SPRYD4: variants seen among roughly 807,000 people sequenced by gnomAD.
SPRYD4 encodes SPRY domain containing 4, also known as SPRY domain-containing protein 4.
A neutral mutation model predicts 16.6 loss-of-function variants in SPRYD4; 12 were observed. The observed-to-expected ratio is 0.72, with a 90% CI of 0.46 to 1.17. SPRYD4 has a LOEUF of 1.17. Among genes scored for constraint, SPRYD4 ranks in the 50% most tolerant of loss-of-function variants. The pLI is 0.00. For synonymous variants in SPRYD4, 98 were observed against 105.4 expected (o/e 0.93, Z 0.43); for missense variants, 260 against 260.2 (o/e 1.00, Z 0.00).
At position 56,474,747 on chromosome 12, in the gene SPRYD4, T is replaced by C. The variant is rs1869642938; in HGVS notation, c.*5170T>C. 1 of 1,609,766 alleles carries C rather than the reference T, an allele frequency of 6.2e-7. No individual in the cohort carries two copies. Among genetic ancestry groups the C allele is most frequent in the Non-Finnish European group, 8.5e-7 (1 of 1,177,226 alleles). ...TATGAAAACAAAGAATAGGTGAAGA[T>C]GTGACGTGAACCTGCACATGGGACC... On this transcript the variant is annotated 3_prime_UTR_variant, in exon 2 of 2. Coordinates refer to ENST00000338146, the MANE Select transcript of SPRYD4 (RefSeq NM_207344.4).
At position 56,475,703 on chromosome 12, in the gene SPRYD4, T is replaced by C. The variant is rs779144172; in HGVS notation, c.*6126T>C. 40 of 1,613,906 alleles carry C rather than the reference T, an allele frequency of 2.5e-5. No individual in the cohort carries two copies. The African/African-American group carries it at 2.9e-4, about 12-fold the overall frequency. ...AACACCTGGAAGAGAAAAAGGGACATTGAGGCTCCACTTGGTTAAGAAGCT... is the reference window on the plus strand; with the variant it reads ...AACACCTGGAAGAGAAAAAGGGACACTGAGGCTCCACTTGGTTAAGAAGCT... On this transcript the variant is annotated 3_prime_UTR_variant, in exon 2 of 2. Transcript: ENST00000338146.
In SPRYD4 at chr12:56,471,341, C is replaced by T; in HGVS notation, c.*1764C>T. ...TGAGGGAATGGGGTATTTTGACTCC[C>T]ATAGAAAGCACTAGCCTAAGTCACC... On this transcript the variant is annotated 3_prime_UTR_variant, in exon 2 of 2. Coordinates refer to ENST00000338146, the MANE Select transcript of SPRYD4 (RefSeq NM_207344.4). 1 of 832,960 alleles carries T rather than the reference C, an allele frequency of 1.2e-6. No individual in the cohort carries two copies. 51.6% of individuals were successfully genotyped at this position (832,960 alleles called of 1,614,324 possible). A position where few individuals can be genotyped will look rare whatever the true frequency, so the allele number is the denominator to read the frequency against.
chr12:56,472,550 T>A lies in SPRYD4; in HGVS notation c.*2973T>A, dbSNP rs2638314. The A allele has an allele frequency of 0.17, 130,433 of 755,052 alleles. 12,204 individuals are homozygous for A. Among genetic ancestry groups the A allele is most frequent in the Admixed American group, 0.21 (7,394 of 34,476 alleles). The allele number at this position is 755,052 out of a possible 1,614,324, so 46.8% of individuals were successfully genotyped here. ...TTTTTTTAAAAAAAATCTCCTTTTT[T>A]AAAAAAATTTCATTTAAATGCAATC... On this transcript the variant is annotated 3_prime_UTR_variant, in exon 2 of 2. Transcript: ENST00000338146.
Position 56,473,165 on chromosome 12 carries a change from A to G in SPRYD4, c.*3588A>G, listed in dbSNP as rs1869465482. On this transcript the variant is annotated 3_prime_UTR_variant, in exon 2 of 2. Transcript: ENST00000338146. ...TGGCCTCTCAAAGTGCAGGGATTAC[A>G]GGCGTGAGCCACCGCACCTGGCCTT... 5 of 1,468,156 alleles carry G rather than the reference A, an allele frequency of 3.4e-6. No homozygotes were observed. The African/African-American group carries it at 5.6e-5, about 16-fold the overall frequency. 90.9% of individuals were successfully genotyped at this position (1,468,156 alleles called of 1,614,324 possible).
rs752875915 is a variant in SPRYD4 at position 56,471,663 on chromosome 12, G to A, written c.*2086G>A. On this transcript the variant is annotated 3_prime_UTR_variant, in exon 2 of 2. Transcript: ENST00000338146. ...CCCCACCTGAGAGGAATAATGATAT[G>A]ATCAGGCAAAGGAGACGTGGAGAGT... The A allele has an allele frequency of 6.2e-7, 1 of 1,613,682 alleles. No individual in the cohort carries two copies. Among genetic ancestry groups the A allele is most frequent in the Non-Finnish European group, 8.5e-7 (1 of 1,179,674 alleles).
chr12:56,479,303 G>T lies in SPRYD4; in HGVS notation c.*9726G>T. On this transcript the variant is annotated 3_prime_UTR_variant, in exon 2 of 2. Transcript: ENST00000338146. ...CTTCAGGTTTGGGATCAACAGCTCT[G>T]TTACCTTTGGCAAATCAGTTTACCT... The T allele has an allele frequency of 8.0e-7, 1 of 1,253,014 alleles. No individual in the cohort carries two copies. Among genetic ancestry groups the T allele is most frequent in the Non-Finnish European group, 1.1e-6 (1 of 931,122 alleles). The allele number at this position is 1,253,014 out of a possible 1,614,324, so 77.6% of individuals were successfully genotyped here. A position where few individuals can be genotyped will look rare whatever the true frequency, so the allele number is the denominator to read the frequency against.
rs551567229 is a variant in SPRYD4, at chr12:56,472,449, A to G, written c.*2872A>G. On this transcript the variant is annotated 3_prime_UTR_variant, in exon 2 of 2. Coordinates refer to ENST00000338146, the MANE Select transcript of SPRYD4 (RefSeq NM_207344.4). The stretch of plus-strand genomic sequence containing the variant: ...GGTAAGTGCCCATTTGAGGCAGGGT[A>G]CCTACTTCCTAGGACACTGCTCTTA... 2.0e-4 allele frequency: 123 copies of G among 603,480 alleles called. No individual in the cohort carries two copies. Among genetic ancestry groups the G allele is most frequent in the African/African-American group, 1.6e-3 (85 of 54,014 alleles). 37.4% of individuals were successfully genotyped at this position (603,480 alleles called of 1,614,324 possible).
chr12:56,472,102 CCTT>C lies in SPRYD4; in HGVS notation c.*2526_*2528del. ...CTTATGATTACCCTCCTCCTCCCCT[CCTT>C]AACCCTTCAGTACCTTCAGCTGCAG... On this transcript the variant is annotated 3_prime_UTR_variant, in exon 2 of 2. Transcript: ENST00000338146. The C allele has an allele frequency of 4.3e-6, 7 of 1,613,566 alleles. No individual in the cohort carries two copies. The highest frequency in any genetic ancestry group is 4.2e-6 in the Non-Finnish European group (5 of 1,179,520).
rs778659815 is a variant in SPRYD4, at chr12:56,475,127, A to G, written c.*5550A>G. The stretch of plus-strand genomic sequence containing the variant: ...GACTGGAATCTGAAGCAAACACCCA[A>G]TTTAGTACTTGAAGTTGGAGGAGTG... On this transcript the variant is annotated 3_prime_UTR_variant, in exon 2 of 2. Transcript: ENST00000338146. The G allele has an allele frequency of 1.1e-5, 17 of 1,613,714 alleles. No individual in the cohort carries two copies. In the East Asian group the frequency reaches 2.9e-4, roughly 27 times the overall value.
rs913256026 is a variant in SPRYD4, at chr12:56,472,993, G to A, written c.*3416G>A. 14 of 576,818 alleles carry A rather than the reference G, an allele frequency of 2.4e-5. No homozygotes were observed. Among genetic ancestry groups the A allele is most frequent in the East Asian group, 6.2e-5 (2 of 32,430 alleles). The allele number at this position is 576,818 out of a possible 1,614,324, so 35.7% of individuals were successfully genotyped here. Reference sequence around the variant, plus strand: ...CAACCTCTGCCTCCCGGTTTCAAGCGATTCTCCTGCCTCAGCCTCCCAAGT... The same window carrying A: ...CAACCTCTGCCTCCCGGTTTCAAGCAATTCTCCTGCCTCAGCCTCCCAAGT... On this transcript the variant is annotated 3_prime_UTR_variant, in exon 2 of 2. Coordinates refer to ENST00000338146, the MANE Select transcript of SPRYD4 (RefSeq NM_207344.4).
At position 56,479,299 on chromosome 12, in the gene SPRYD4, C is replaced by T. The variant is rs1870095911; in HGVS notation, c.*9722C>T. 6.2e-6 allele frequency: 8 copies of T among 1,293,622 alleles called. No homozygotes were observed. The South Asian group carries it at 1.2e-4, about 20-fold the overall frequency. 80.1% of individuals were successfully genotyped at this position (1,293,622 alleles called of 1,614,324 possible). On this transcript the variant is annotated 3_prime_UTR_variant, in exon 2 of 2. Coordinates refer to ENST00000338146, the MANE Select transcript of SPRYD4 (RefSeq NM_207344.4). ...TGGTCTTCAGGTTTGGGATCAACAG[C>T]TCTGTTACCTTTGGCAAATCAGTTT...
In SPRYD4 at chr12:56,472,417, T is replaced by C; in HGVS notation, c.*2840T>C. 1.6e-6 allele frequency: 1 copy of C among 606,800 alleles called. No homozygotes were observed. Among genetic ancestry groups the C allele is most frequent in the East Asian group, 2.8e-5 (1 of 36,146 alleles). The allele number at this position is 606,800 out of a possible 1,614,324, so 37.6% of individuals were successfully genotyped here. A position where few individuals can be genotyped will look rare whatever the true frequency, so the allele number is the denominator to read the frequency against. On this transcript the variant is annotated 3_prime_UTR_variant, in exon 2 of 2. Transcript: ENST00000338146. ...CCTTCCAGAAATATCACTCACTGCC[T>C]ACCTGTGGTAAGTGCCCATTTGAGG... is the stretch of plus-strand genomic sequence containing the variant.
In SPRYD4 at chr12:56,474,864, G is replaced by GAA. The variant is rs752017742; in HGVS notation, c.*5287_*5288insAA. ...TTCTTACCTGGAAGTAGAGATCAAG[G>GAA]GCAGCCATCATGTCCACCCCCTTAG... On this transcript the variant is annotated 3_prime_UTR_variant, in exon 2 of 2. Coordinates refer to ENST00000338146, the MANE Select transcript of SPRYD4 (RefSeq NM_207344.4). 1 of 1,614,124 alleles carries GAA rather than the reference G, an allele frequency of 6.2e-7. No individual in the cohort carries two copies. Among genetic ancestry groups the GAA allele is most frequent in the Non-Finnish European group, 8.5e-7 (1 of 1,180,018 alleles).
chr12:56,479,707 C>G lies in SPRYD4; in HGVS notation c.*10130C>G. 6.8e-7 allele frequency: 1 copy of G among 1,479,030 alleles called. No individual in the cohort carries two copies. The highest frequency in any genetic ancestry group is 9.0e-7 in the Non-Finnish European group (1 of 1,110,102). The allele number at this position is 1,479,030 out of a possible 1,614,324, so 91.6% of individuals were successfully genotyped here. On this transcript the variant is annotated 3_prime_UTR_variant, in exon 2 of 2. Coordinates refer to ENST00000338146, the MANE Select transcript of SPRYD4 (RefSeq NM_207344.4). ...AATTGAACTATACAATTCCCAAATTCCTCCCTGCTCTGAGAGTCTATGTCC... is the reference window on the plus strand; with the variant it reads ...AATTGAACTATACAATTCCCAAATTGCTCCCTGCTCTGAGAGTCTATGTCC...
At position 56,472,524 on chromosome 12, in the gene SPRYD4, CT is replaced by C. The variant is rs151260400; in HGVS notation, c.*2954del. 1.9e-5 allele frequency: 12 copies of C among 648,620 alleles called. No individual in the cohort carries two copies. Among genetic ancestry groups the C allele is most frequent in the African/African-American group, 1.3e-4 (7 of 54,442 alleles). 40.2% of individuals were successfully genotyped at this position (648,620 alleles called of 1,614,324 possible). A position where few individuals can be genotyped will look rare whatever the true frequency, so the allele number is the denominator to read the frequency against. On this transcript the variant is annotated 3_prime_UTR_variant, in exon 2 of 2. Coordinates refer to ENST00000338146, the MANE Select transcript of SPRYD4 (RefSeq NM_207344.4). ...TAATTATCATAGAGCAGACAGTTTA[CT>C]TTTTTTAAAAAAAATCTCCTTTTTT...
Position 56,468,581 on chromosome 12 carries a change from C to T in SPRYD4, c.-11C>T. 6.2e-7 allele frequency: 1 copy of T among 1,612,630 alleles called. No homozygotes were observed. The highest frequency in any genetic ancestry group is 8.5e-7 in the Non-Finnish European group (1 of 1,179,768). On this transcript the variant is annotated 5_prime_UTR_variant, in exon 1 of 2. Coordinates refer to ENST00000338146, the MANE Select transcript of SPRYD4 (RefSeq NM_207344.4). ...AAGCGGGAGGCGTGCCCGGTTCATC[C>T]AAGGCGCAAGATGGCGCTGCTTTTT...
Position 56,472,448 on chromosome 12 carries a change from T to G in SPRYD4, c.*2871T>G, listed in dbSNP as rs1592272053. 1.7e-6 allele frequency: 1 copy of G among 603,586 alleles called. No homozygotes were observed. Among genetic ancestry groups the G allele is most frequent in the South Asian group, 2.0e-5 (1 of 49,380 alleles). The allele number at this position is 603,586 out of a possible 1,614,324, so 37.4% of individuals were successfully genotyped here. On this transcript the variant is annotated 3_prime_UTR_variant, in exon 2 of 2. Transcript: ENST00000338146. ...TGGTAAGTGCCCATTTGAGGCAGGGTACCTACTTCCTAGGACACTGCTCTT... is the reference window on the plus strand; with the variant it reads ...TGGTAAGTGCCCATTTGAGGCAGGGGACCTACTTCCTAGGACACTGCTCTT...
Position 56,476,372 on chromosome 12 carries a change from G to A in SPRYD4, c.*6795G>A, listed in dbSNP as rs1011025922. ...CCAAACCCTCATCCCTGACTCCCAC[G>A]TTCATTTTCCTGACTCGAATCCTGT... On this transcript the variant is annotated 3_prime_UTR_variant, in exon 2 of 2. Coordinates refer to ENST00000338146, the MANE Select transcript of SPRYD4 (RefSeq NM_207344.4). 4.0e-5 allele frequency: 9 copies of A among 227,780 alleles called. No individual in the cohort carries two copies. The highest frequency in any genetic ancestry group is 1.2e-4 in the South Asian group (2 of 16,708). 14.1% of individuals were successfully genotyped at this position (227,780 alleles called of 1,614,324 possible).
Position 56,477,788 on chromosome 12 carries a change from T to C in SPRYD4, c.*8211T>C. 6.4e-7 allele frequency: 1 copy of C among 1,560,908 alleles called. No individual in the cohort carries two copies. The highest frequency in any genetic ancestry group is 8.7e-7 in the Non-Finnish European group (1 of 1,145,846). ...CCTCCCTGACAGCCCGCTCACTTTG[T>C]GGGTTAGACAAGAAAGACTGCTAGG... is the stretch of plus-strand genomic sequence containing the variant. On this transcript the variant is annotated 3_prime_UTR_variant, in exon 2 of 2. Coordinates refer to ENST00000338146, the MANE Select transcript of SPRYD4 (RefSeq NM_207344.4).
Sources: allele counts gnomAD v4.1 joint callset, GRCh38; gene constraint gnomAD v4.1.1; transcripts MANE v1.5; gene names NCBI Gene and HGNC (gene_info 2026-07-23, HGNC 2026-07-21).